Variants in TNS3 observed in about 807,000 individuals in gnomAD.
TNS3 encodes tensin 3.
Under a neutral mutation model 140.9 loss-of-function variants are expected in TNS3, and 45 were observed. The observed-to-expected ratio is 0.32, with a 90% CI of 0.25 to 0.41. TNS3 has a LOEUF of 0.41. Among genes scored for constraint, TNS3 ranks in the 10% least tolerant of loss-of-function variants. The pLI is 1.00. For missense variants in TNS3, 1,716 were observed against 1,906.7 expected (o/e 0.90, Z 1.86); for synonymous variants, 815 against 788.4 (o/e 1.03, Z -0.56).
intron 4 of TNS3, among the ~76,000 whole-genome samples, chr7:47,442,556 G>C (rs1398366903): frequency 6.6e-6 from 1 of 152,202 alleles, no homozygotes; most frequent in African/African-American, 2.4e-5. Flanking sequence ...GTGTGTAAGG[G>C]TTGTTATATA....
intron 17 of TNS3, among the ~76,000 whole-genome samples, chr7:47,357,622 C>G (rs1443597576): frequency 1.3e-5 from 2 of 152,192 alleles, no homozygotes; most frequent in African/African-American, 2.4e-5. Context: ...AGCCAGGGTT[C>G]TGACGGACAT....
rs116127002 is a variant in TNS3, at chr7:47,298,324, C to G, written c.3545-1111G>C. On this transcript the variant is annotated intron_variant, in intron 23 of 30. Transcript: ENST00000311160. The stretch of plus-strand genomic sequence containing the variant: ...GGGCCTCGCACAGTGGGTCACCCAG[C>G]TTCCCTGGTGAGGCTGGTAGGCATT... 4.7e-3 allele frequency among the ~76,000 whole-genome samples: 720 copies of G among 152,324 alleles called. 6 individuals carry two copies. The highest frequency in any genetic ancestry group is 0.016 in the African/African-American group (670 of 41,566).
At chr7:47,549,220 C>T (rs779252371) in intron 1 of TNS3, among the ~76,000 whole-genome samples, 5 of 152,118 alleles carry the variant, frequency 3.3e-5, no homozygotes, top group South Asian at 2.1e-4. Flanking sequence ...TGGCCAGGCG[C>T]GGTGGTTCAC....
intron 20 of TNS3, among the ~76,000 whole-genome samples, chr7:47,319,963 G>A (rs1787636875): frequency 6.6e-6 from 1 of 152,144 alleles, no homozygotes; most frequent in East Asian, 1.9e-4. Flanking sequence ...ATGCAACACT[G>A]GGAATCCTGT....
At chr7:47,559,221 G>A (rs967822314) in intron 1 of TNS3, among the ~76,000 whole-genome samples, 8 of 152,194 alleles carry the variant, frequency 5.3e-5, no homozygotes, top group African/African-American at 7.2e-5. Context: ...ATGGTGACGC[G>A]CGCCTGTAGT....
intron 1 of TNS3, among the ~76,000 whole-genome samples, chr7:47,565,219 AG>A (rs1800403690): frequency 1.3e-5 from 2 of 151,500 alleles, no homozygotes; most frequent in Admixed American, 6.6e-5. Context: ...CTGGGACTAC[AG>A]GCGCCCACCA....
chr7:47,429,047 A>G (rs1584637902), intron 8 of TNS3, among the ~76,000 whole-genome samples: 1 of 152,118 alleles, frequency 6.6e-6, no homozygotes, highest in Middle Eastern at 3.4e-3. Context: ...TCTAGAACAT[A>G]CTCTTACAAC....
chr7:47,545,961 A>G (rs1015944125), intron 1 of TNS3, among the ~76,000 whole-genome samples: 4 of 152,154 alleles, frequency 2.6e-5, no homozygotes, highest in Admixed American at 2.0e-4. Context: ...CTAGGCAGTG[A>G]TATTTCTTCA....
intron 25 of TNS3, 120 bp from the exon 26 acceptor site, chr7:47,293,025 T>A: frequency 1.3e-6 from 1 of 783,824 alleles, no homozygotes; most frequent in Non-Finnish European, 2.1e-6. Context: ...TTTTAGCAAC[T>A]GGTATGTTAG....
At chr7:47,279,765 C>T in intron 30 of TNS3, 1 of 226,014 alleles carries the variant, frequency 4.4e-6, no homozygotes, top group Non-Finnish European at 8.7e-6. Context: ...GTGATGAAGG[C>T]CCTCCTCCGT....
intron 1 of TNS3, among the ~76,000 whole-genome samples, chr7:47,530,838 A>AAAAAAAAAAAATATATATATATAT: frequency 3.7e-5 from 2 of 54,562 alleles, no homozygotes; most frequent in African/African-American, 7.9e-5. Flanking sequence ...AAAAAAAAAA[A>AAAAAAAAAAAATATATATATATAT]ATATATATAT....
chr7:47,426,447 C>T (rs1315496703), intron 9 of TNS3, among the ~76,000 whole-genome samples: 12 of 152,196 alleles, frequency 7.9e-5, no homozygotes, highest in Non-Finnish European at 1.3e-4. Flanking sequence ...TCACAAAAAG[C>T]ATGTGGTATC....
chr7:47,543,905 G>A (rs1403169609), intron 1 of TNS3, among the ~76,000 whole-genome samples: 1 of 152,186 alleles, frequency 6.6e-6, no homozygotes, highest in Admixed American at 6.5e-5. Context: ...GACATCCTTT[G>A]CATGGTGTTT....
Position 47,407,944 on chromosome 7 carries a change from G to A in TNS3, c.723+3783C>T, listed in dbSNP as rs11764365. ...CAAAGGGTGAAGCCTGAGTTGAGAG[G>A]TCAGGGCCAGGGTGGGTGGACAGTG... On this transcript the variant is annotated intron_variant, in intron 13 of 30. Transcript: ENST00000311160. The surrounding 1 kb of genome is among the most constrained non-coding windows in gnomAD (Gnocchi z 4.1). Among the ~76,000 whole-genome samples the A allele has an allele frequency of 0.36, 54,889 of 152,080 alleles. 11,839 individuals carry two copies. Among genetic ancestry groups the A allele is most frequent in the Middle Eastern group, 0.5 (146 of 294 alleles).
chr7:47,531,570 C>T (rs1231160321), intron 1 of TNS3, among the ~76,000 whole-genome samples: 1 of 152,034 alleles, frequency 6.6e-6, no homozygotes, highest in Admixed American at 6.6e-5. Context: ...TTAAAGCTCA[C>T]CAAAAGATAA....
At chr7:47,420,954 T>A (rs1794343546) in intron 10 of TNS3, among the ~76,000 whole-genome samples, 2 of 152,160 alleles carry the variant, frequency 1.3e-5, no homozygotes, top group Admixed American at 1.3e-4. Flanking sequence ...ATTTGTTTGG[T>A]CTGTCTTCCC....
rs192612723 is a variant in TNS3 at position 47,458,458 on chromosome 7, T to G, written c.-75-16403A>C. The stretch of plus-strand genomic sequence containing the variant: ...GCTGTGCCTCCTGGATGCCCCAACC[T>G]TTTTTCTCCCTCATTTCTATCCCAG... On this transcript the variant is annotated intron_variant, in intron 4 of 30. Coordinates refer to ENST00000311160, the MANE Select transcript of TNS3 (RefSeq NM_022748.12). Among the ~76,000 whole-genome samples the G allele has an allele frequency of 1.8e-3, 267 of 152,356 alleles. 2 individuals are homozygous for G. The highest frequency in any genetic ancestry group is 0.01 in the Middle Eastern group (3 of 294).
rs757098626 is a variant in TNS3 at position 47,278,039 on chromosome 7, G to A, written c.*37C>T. Reference sequence around the variant, plus strand: ...ACCCAACGGCTGTCTCCAGGGCTTCGAGAGGCATCGGTGGGTCCAGGGAGG... The same window carrying A: ...ACCCAACGGCTGTCTCCAGGGCTTCAAGAGGCATCGGTGGGTCCAGGGAGG... On this transcript the variant is annotated 3_prime_UTR_variant, in exon 31 of 31. Transcript: ENST00000311160. 12 of 1,613,752 alleles carry A rather than the reference G, an allele frequency of 7.4e-6. No individual in the cohort carries two copies. The highest frequency in any genetic ancestry group is 1.3e-5 in the African/African-American group (1 of 75,052).
chr7:47,400,598 G>A, intron 14 of TNS3, 140 bp from the exon 15 acceptor site: 1 of 1,249,054 alleles, frequency 8.0e-7, no homozygotes, highest in East Asian at 2.4e-5. Context: ...AGAAAGTATA[G>A]GCAGTTTCAT....
Sources: gnomAD v4.1 joint callset for allele counts (sites outside exome capture counted in the v4.1 genomes callset) on GRCh38, gnomAD v4.1.1 for gene constraint, Gnocchi (gnomAD v3.1) non-coding constraint, MANE v1.5 for transcripts, NCBI Gene and HGNC (gene_info 2026-07-23, HGNC 2026-07-21) for gene names.